The following SGCD variants were observed in gnomAD, a reference collection of about 807,000 sequenced individuals.
SGCD encodes delta-sarcoglycan.
A neutral mutation model predicts 36.6 loss-of-function variants in SGCD; 18 were observed. The observed-to-expected ratio is 0.49, with a 90% CI of 0.34 to 0.73. The LOEUF is 0.73. SGCD is among the 30% of genes least tolerant of loss of function. The pLI is 0.01. For missense variants in SGCD, 387 were observed against 346.7 expected, an observed-to-expected ratio of 1.12 and a Z score of -0.92; for synonymous variants, 133 against 130.6, an observed-to-expected ratio of 1.02 and a Z score of -0.12.
intron 3 of SGCD, among the ~76,000 whole-genome samples, chr5:156,423,154 A>ATAT (rs1321031665): frequency 8.4e-5 from 4 of 47,822 alleles, no homozygotes; most frequent in African/African-American, 5.6e-4. Flanking sequence ...TTAATTAATT[A>ATAT]TTTAAATATT....
chr5:156,098,941 C>T (rs1761449559), intron 1 of SGCD, among the ~76,000 whole-genome samples: 1 of 152,270 alleles, frequency 6.6e-6, no homozygotes, highest in Non-Finnish European at 1.5e-5. Context: ...GGCTGGCTTC[C>T]CAAATGATCC....
chr5:156,600,746 C>T lies in SGCD; in HGVS notation c.502+5695C>T, dbSNP rs182243683. Among the ~76,000 whole-genome samples the T allele has an allele frequency of 8.1e-4, 123 of 152,220 alleles. 1 individual carries two copies. Among genetic ancestry groups the T allele is most frequent in the African/African-American group, 2.8e-3 (116 of 41,550 alleles). On this transcript the variant is annotated intron_variant, in intron 6 of 8. Coordinates refer to ENST00000337851, the MANE Select transcript of SGCD (RefSeq NM_000337.6). ...TCTATTTTAATTATTTGTAGAGCCT[C>T]CTTACTGTTTTCTGTAATAGTTATA... is the stretch of plus-strand genomic sequence containing the variant.
intron 3 of SGCD, among the ~76,000 whole-genome samples, chr5:156,349,452 T>A (rs1455103674): frequency 2.6e-5 from 4 of 151,798 alleles, no homozygotes; most frequent in Non-Finnish European, 4.4e-5. Context: ...GAATAGAAAT[T>A]TCTCAAAAGA....
chr5:156,438,318 C>T (rs1464832658), intron 3 of SGCD, among the ~76,000 whole-genome samples: 1 of 152,094 alleles, frequency 6.6e-6, no homozygotes, highest in African/African-American at 2.4e-5. Context: ...TTCTGGCAGT[C>T]ACTGTAGCTT....
Position 155,882,247 on chromosome 5 carries a change from TA to T in SGCD, c.-282+11829del, listed in dbSNP as rs548846687. Among the ~76,000 whole-genome samples, 428 of 151,994 alleles carry T rather than the reference TA, an allele frequency of 2.8e-3. 2 individuals carry two copies. The highest frequency in any genetic ancestry group is 9.6e-3 in the African/African-American group (399 of 41,404). ...GCTGGGTCTACACCTGACTTTTTTTTAAAAAACTTTTTATAGAGATGGAGTC... is the reference window on the plus strand; with the variant it reads ...GCTGGGTCTACACCTGACTTTTTTTTAAAAACTTTTTATAGAGATGGAGTC... On this transcript the variant is annotated intron_variant, in intron 1 of 9. Coordinates refer to the SGCD transcript ENST00000517913.
chr5:156,397,250 G>A (rs1580926925), intron 3 of SGCD, among the ~76,000 whole-genome samples: 1 of 152,170 alleles, frequency 6.6e-6, no homozygotes, highest in East Asian at 1.9e-4. Flanking sequence ...CTTTATTTTA[G>A]GGCAGTCGGT....
intron 1 of SGCD, among the ~76,000 whole-genome samples, chr5:155,893,468 TA>T (rs1268146406): frequency 2.0e-5 from 3 of 152,206 alleles, no homozygotes; most frequent in Non-Finnish European, 4.4e-5. Flanking sequence ...AGAGCTCTTT[TA>T]AATTATCTGA....
At chr5:155,888,509 G>A (rs180778423) in intron 1 of SGCD, among the ~76,000 whole-genome samples, 151 of 152,286 alleles carry the variant, frequency 9.9e-4, no homozygotes, top group Middle Eastern at 3.4e-3. Context: ...GAATAGGGAC[G>A]CAAAGAAGCA....
chr5:156,596,133 T>A (rs147340940), intron 6 of SGCD, among the ~76,000 whole-genome samples: 1 of 152,192 alleles, frequency 6.6e-6, no homozygotes, highest in Non-Finnish European at 1.5e-5. Flanking sequence ...CATCCACTTA[T>A]CAGAGCCCCT....
intron 1 of SGCD, among the ~76,000 whole-genome samples, chr5:155,932,534 T>A (rs919772492): frequency 6.6e-6 from 1 of 152,214 alleles, no homozygotes; most frequent in East Asian, 1.9e-4. Context: ...TTTTAGTTCA[T>A]AGATACTTTG....
chr5:155,958,813 G>A (rs1357150814), intron 1 of SGCD, among the ~76,000 whole-genome samples: 1 of 152,092 alleles, frequency 6.6e-6, no homozygotes, highest in Non-Finnish European at 1.5e-5. Flanking sequence ...ATGCGTGCGG[G>A]AATCCCTTTG....
At chr5:155,757,010 G>A in the SGCD span, among the ~76,000 whole-genome samples, 372 of 152,320 alleles carry the variant, frequency 2.4e-3, 3 homozygotes, top group African/African-American at 7.5e-3. Flanking sequence ...AGCAGTGGGT[G>A]ATACCAGTCT....
At chr5:155,840,987 C>T in the SGCD span, among the ~76,000 whole-genome samples, 6 of 117,646 alleles carry the variant, frequency 5.1e-5, no homozygotes, top group Middle Eastern at 6.9e-3. Flanking sequence ...CTCCAGTCTG[C>T]GTGACAGAGC....
At position 156,516,677 on chromosome 5, in the gene SGCD, G is replaced by A. The variant is rs183614297; in HGVS notation, c.294+7975G>A. Among the ~76,000 whole-genome samples, 686 of 152,300 alleles carry A rather than the reference G, an allele frequency of 4.5e-3. 4 individuals carry two copies. The highest frequency in any genetic ancestry group is 0.014 in the African/African-American group (571 of 41,558). On this transcript the variant is annotated intron_variant, in intron 4 of 8. Coordinates refer to ENST00000337851, the MANE Select transcript of SGCD (RefSeq NM_000337.6). The stretch of plus-strand genomic sequence containing the variant: ...GGGCTGAGGCTGAGATGAATGAACT[G>A]ACTGACATAAGTAGGCTTCAGAAGG...
At chr5:156,650,687 G>C (rs11959741) in intron 7 of SGCD, among the ~76,000 whole-genome samples, 4,025 of 152,160 alleles carry the variant, frequency 0.026, 179 homozygotes, top group African/African-American at 0.092. Flanking sequence ...TTATGGCTTT[G>C]TAGTGTTCTA....
intron 3 of SGCD, among the ~76,000 whole-genome samples, chr5:156,271,113 T>C (rs7341071): frequency 0.23 from 34,518 of 152,184 alleles, 4,209 homozygotes; most frequent in Admixed American, 0.27. Context: ...TAAGTTTTTC[T>C]GCAATAGTAA....
intron 3 of SGCD, among the ~76,000 whole-genome samples, chr5:156,151,592 ATTC>A (rs1248655044): frequency 6.6e-6 from 1 of 151,550 alleles, no homozygotes. Flanking sequence ...AAGAAAAATC[ATTC>A]TTCTTAGAGT....
At chr5:156,757,988 C>T (rs1429764263) in intron 8 of SGCD, 39 of 1,224,062 alleles carry the variant, frequency 3.2e-5, no homozygotes, top group Non-Finnish European at 4.0e-5. Context: ...TCTCTCTTGT[C>T]ACCTTAAAAT....
chr5:156,442,890 C>T (rs146615359), intron 3 of SGCD, among the ~76,000 whole-genome samples: 140 of 152,268 alleles, frequency 9.2e-4, no homozygotes, highest in African/African-American at 3.0e-3. Flanking sequence ...TGATTTTAGA[C>T]GGTGGTTGGT....
Sources: gnomAD v4.1 joint callset for allele counts (sites outside exome capture counted in the v4.1 genomes callset) on GRCh38, gnomAD v4.1.1 for gene constraint, MANE v1.5 for transcripts, NCBI Gene and HGNC (gene_info 2026-07-23, HGNC 2026-07-21) for gene names.